The following KHDRBS2 variants were observed in gnomAD, a reference collection of about 807,000 sequenced individuals.
KHDRBS2 encodes KH domain-containing, RNA-binding, signal transduction-associated protein 2.
Under a neutral mutation model 44.3 loss-of-function variants are expected in KHDRBS2, and 26 were observed. The ratio of observed to expected loss-of-function variants is 0.59; its 90% CI spans 0.43 to 0.81. The LOEUF (loss-of-function observed/expected upper bound fraction) is 0.81. Ranked by LOEUF, KHDRBS2 falls within the 40% of genes least tolerant of loss-of-function variation. The probability of loss-of-function intolerance (pLI) is 0.00; values close to 1 mark genes in which losing one functional copy is unlikely to be tolerated. For synonymous variants in KHDRBS2, 194 were observed against 151.1 expected (o/e 1.28, Z -2.08); for missense variants, 476 against 433.1 (o/e 1.10, Z -0.88).
intron 2 of KHDRBS2, among the ~76,000 whole-genome samples, chr6:62,104,787 A>G (rs1802761488): frequency 6.6e-6 from 1 of 152,120 alleles, no homozygotes; most frequent in Admixed American, 6.6e-5. Context: ...CGTAGTTACA[A>G]TAAATGAAAT....
the KHDRBS2 span, among the ~76,000 whole-genome samples, chr6:61,651,638 A>G: frequency 6.6e-6 from 1 of 152,144 alleles, no homozygotes; most frequent in Non-Finnish European, 1.5e-5. Context: ...TATCTTGTCC[A>G]CAATCTCACA....
At chr6:61,756,838 C>A (rs1343543662) in intron 6 of KHDRBS2, among the ~76,000 whole-genome samples, 1 of 152,170 alleles carries the variant, frequency 6.6e-6, no homozygotes, top group African/African-American at 2.4e-5. Context: ...AATGTTTTCT[C>A]TTGCTATTTT....
intron 1 of KHDRBS2, among the ~76,000 whole-genome samples, chr6:62,209,095 C>T (rs920526196): frequency 2.6e-5 from 4 of 152,098 alleles, no homozygotes; most frequent in Non-Finnish European, 5.9e-5. Flanking sequence ...TACTTCTTAG[C>T]CACATATCTG....
the KHDRBS2 span, among the ~76,000 whole-genome samples, chr6:61,545,937 G>A: frequency 4.6e-5 from 7 of 152,082 alleles, no homozygotes; most frequent in Admixed American, 1.3e-4. Flanking sequence ...AAGACGCATC[G>A]CTATTCCCTG....
chr6:62,117,155 T>A (rs1437159796), intron 2 of KHDRBS2, among the ~76,000 whole-genome samples: 1 of 152,180 alleles, frequency 6.6e-6, no homozygotes, highest in East Asian at 1.9e-4. Flanking sequence ...TAGTTTTATT[T>A]TTTTTTGAGG....
intron 2 of KHDRBS2, among the ~76,000 whole-genome samples, chr6:62,101,160 G>GA (rs1801802762): frequency 6.6e-6 from 1 of 152,070 alleles, no homozygotes; most frequent in Non-Finnish European, 1.5e-5. Context: ...CGCAAGGTAT[G>GA]AAAATCTAGG....
At chr6:61,957,514 G>A (rs1451225402) in intron 4 of KHDRBS2, among the ~76,000 whole-genome samples, 1 of 151,552 alleles carries the variant, frequency 6.6e-6, no homozygotes, top group Non-Finnish European at 1.5e-5. Flanking sequence ...CTTTGGGGGT[G>A]GCTGTCTTTT....
chr6:62,156,504 A>T (rs958728372), intron 2 of KHDRBS2, among the ~76,000 whole-genome samples: 2 of 152,140 alleles, frequency 1.3e-5, no homozygotes, highest in Non-Finnish European at 2.9e-5. Context: ...TAAAATAAAA[A>T]CTTTTAAGAC....
chr6:62,090,276 T>C lies in KHDRBS2; in HGVS notation c.220-42282A>G, dbSNP rs567419862. ...GGTTAGAAATTTTTAATGGGATTTA[T>C]ATTTTCATTCACAGTTGCTAGTTTT... is the stretch of plus-strand genomic sequence containing the variant. On this transcript the variant is annotated intron_variant, in intron 2 of 8. Transcript: ENST00000281156. Among the ~76,000 whole-genome samples, 8 of 152,338 alleles carry C rather than the reference T, an allele frequency of 5.3e-5. No homozygotes were observed. The South Asian group carries it at 1.5e-3, about 28-fold the overall frequency.
chr6:62,193,082 A>G (rs1265049921), intron 1 of KHDRBS2, among the ~76,000 whole-genome samples: 8 of 152,098 alleles, frequency 5.3e-5, no homozygotes, highest in Non-Finnish European at 1.0e-4. Context: ...TACTATCACA[A>G]TTGAAGAAAT....
intron 2 of KHDRBS2, among the ~76,000 whole-genome samples, chr6:62,109,401 G>A (rs1483579865): frequency 6.6e-6 from 1 of 151,744 alleles, no homozygotes; most frequent in African/African-American, 2.4e-5. Flanking sequence ...TACTTAGTGG[G>A]ACAAGAGATT....
At chr6:62,176,592 T>C (rs2150122784) in intron 2 of KHDRBS2, among the ~76,000 whole-genome samples, 1 of 151,394 alleles carries the variant, frequency 6.6e-6, no homozygotes, top group Middle Eastern at 3.4e-3. Flanking sequence ...TGTATGAATA[T>C]AATTGATAAA....
At chr6:61,948,232 A>C (rs527803727) in intron 4 of KHDRBS2, among the ~76,000 whole-genome samples, 1 of 152,246 alleles carries the variant, frequency 6.6e-6, no homozygotes, top group African/African-American at 2.4e-5. Context: ...GTACAGATAA[A>C]TCATGAATGT....
intron 7 of KHDRBS2, among the ~76,000 whole-genome samples, chr6:61,711,276 T>C (rs1770472850): frequency 6.6e-6 from 1 of 151,762 alleles, no homozygotes; most frequent in East Asian, 1.9e-4. Flanking sequence ...ACTTAATTCT[T>C]GGTATTCTTT....
the KHDRBS2 span, among the ~76,000 whole-genome samples, chr6:61,543,843 C>G: frequency 6.6e-6 from 1 of 151,916 alleles, no homozygotes; most frequent in African/African-American, 2.4e-5. Flanking sequence ...GTGAGATATG[C>G]CAGGCACAGA....
chr6:61,929,903 T>C (rs1427675732), intron 4 of KHDRBS2, among the ~76,000 whole-genome samples: 1 of 152,188 alleles, frequency 6.6e-6, no homozygotes, highest in East Asian at 1.9e-4. Flanking sequence ...ATCACAACTA[T>C]TTTATTTCTT....
intron 2 of KHDRBS2, among the ~76,000 whole-genome samples, chr6:62,131,902 T>C (rs1810418008): frequency 6.6e-6 from 1 of 152,212 alleles, no homozygotes; most frequent in Admixed American, 6.5e-5. Flanking sequence ...TGAATGAGTA[T>C]GTGAAAGGTT....
At chr6:61,610,564 G>A in the KHDRBS2 span, among the ~76,000 whole-genome samples, 10 of 152,186 alleles carry the variant, frequency 6.6e-5, no homozygotes, top group East Asian at 1.9e-4. Context: ...CCAGGATGGC[G>A]CACACACTTG....
At chr6:62,230,898 A>G (rs1366220169) in intron 1 of KHDRBS2, among the ~76,000 whole-genome samples, 1 of 152,214 alleles carries the variant, frequency 6.6e-6, no homozygotes, top group African/African-American at 2.4e-5. Context: ...AATTGTATCA[A>G]AACAAATTCA....
Sources: gnomAD v4.1 joint callset for allele counts (sites outside exome capture counted in the v4.1 genomes callset) on GRCh38, gnomAD v4.1.1 for gene constraint, MANE v1.5 for transcripts, NCBI Gene and HGNC (gene_info 2026-07-23, HGNC 2026-07-21) for gene names.